The following UST variants were observed in gnomAD, a reference collection of about 807,000 sequenced individuals.
UST encodes uronyl 2-sulfotransferase, also known as chondroitin sulfate 2-O-sulfotransferase.
Under a neutral mutation model 45.6 loss-of-function variants are expected in UST, and 21 were observed. That is an observed-to-expected ratio of 0.46 (90% CI 0.33 to 0.66). UST has a LOEUF of 0.66. Among genes scored for constraint, UST ranks in the 30% least tolerant of loss-of-function variants. The pLI, the probability that UST is intolerant of heterozygous loss-of-function variation, is 0.02. For missense variants in UST, 463 were observed against 512.4 expected (o/e 0.90, Z 0.93); for synonymous variants, 215 against 200.6 (o/e 1.07, Z -0.61).
intron 2 of UST, among the ~76,000 whole-genome samples, chr6:148,888,658 G>T (rs1163279024): frequency 6.6e-6 from 1 of 152,160 alleles, no homozygotes; most frequent in East Asian, 1.9e-4. Flanking sequence ...ATCAAGGGTG[G>T]CTGCTGTTAA....
chr6:148,937,545 A>G (rs961460183), intron 2 of UST, among the ~76,000 whole-genome samples: 2 of 152,232 alleles, frequency 1.3e-5, no homozygotes, highest in Non-Finnish European at 2.9e-5. Flanking sequence ...AAAAAGAATC[A>G]GATAGATACT....
intron 2 of UST, among the ~76,000 whole-genome samples, chr6:148,940,328 A>G (rs1279378362): frequency 1.3e-5 from 2 of 151,570 alleles, no homozygotes; most frequent in African/African-American, 4.8e-5. Context: ...CTCTACCAAA[A>G]AAAAAAAAAA....
At chr6:148,843,596 A>G (rs1777927406) in intron 1 of UST, among the ~76,000 whole-genome samples, 1 of 152,228 alleles carries the variant, frequency 6.6e-6, no homozygotes, top group South Asian at 2.1e-4. Context: ...GCAGGTAAGA[A>G]AATTGAGGCT....
intron 1 of UST, among the ~76,000 whole-genome samples, chr6:148,836,835 G>A (rs919617494): frequency 2.6e-5 from 4 of 152,158 alleles, no homozygotes; most frequent in African/African-American, 9.7e-5. Flanking sequence ...CCCAAGGTGG[G>A]TGAGAAAGCA....
chr6:149,035,031 G>T (rs1776221880), intron 7 of UST, among the ~76,000 whole-genome samples: 1 of 151,996 alleles, frequency 6.6e-6, no homozygotes, highest in South Asian at 2.1e-4. Context: ...TTGTTTCTTT[G>T]ATGATTTTAC....
intron 7 of UST, among the ~76,000 whole-genome samples, chr6:149,049,054 A>G (rs1324637126): frequency 1.3e-5 from 2 of 152,230 alleles, no homozygotes; most frequent in Non-Finnish European, 2.9e-5. Context: ...ATAGGTATAT[A>G]TAGCTGTCAA....
At chr6:149,060,649 G>A (rs1776640590) in intron 7 of UST, among the ~76,000 whole-genome samples, 2 of 152,170 alleles carry the variant, frequency 1.3e-5, no homozygotes, top group African/African-American at 2.4e-5. Context: ...GGAGTACACC[G>A]ACGGTACTTC....
intron 1 of UST, among the ~76,000 whole-genome samples, chr6:148,834,650 G>T (rs1168802924): frequency 2.6e-5 from 4 of 152,116 alleles, no homozygotes; most frequent in Non-Finnish European, 5.9e-5. Flanking sequence ...TGGGAGGATT[G>T]CTTGAGCCTG....
chr6:148,753,653 T>C (rs751565186), intron 1 of UST, among the ~76,000 whole-genome samples: 21 of 152,232 alleles, frequency 1.4e-4, no homozygotes, highest in Non-Finnish European at 2.8e-4. Context: ...TGCAAGCTTT[T>C]GTTTCAACAC....
intron 1 of UST, among the ~76,000 whole-genome samples, chr6:148,815,617 A>G (rs1445645517): frequency 1.3e-5 from 2 of 152,366 alleles, no homozygotes; most frequent in South Asian, 2.1e-4. Context: ...TGTATATTAC[A>G]TACTTAAAAA....
At chr6:148,760,705 GCAAAA>G (rs541127131) in intron 1 of UST, among the ~76,000 whole-genome samples, 210 of 149,732 alleles carry the variant, frequency 1.4e-3, no homozygotes, top group East Asian at 3.9e-3. Context: ...CATAACCATA[GCAAAA>G]CAAAACAAAA....
intron 7 of UST, among the ~76,000 whole-genome samples, chr6:149,068,404 G>GCC (rs1562345284): frequency 6.6e-6 from 1 of 152,176 alleles, no homozygotes; most frequent in Non-Finnish European, 1.5e-5. Flanking sequence ...TTATTGTGAG[G>GCC]ATTAAGTATG....
At chr6:148,926,148 A>G (rs1192293860) in intron 2 of UST, among the ~76,000 whole-genome samples, 1 of 152,214 alleles carries the variant, frequency 6.6e-6, no homozygotes. Flanking sequence ...TTCCACTGAC[A>G]TATTTTGATC....
intron 1 of UST, among the ~76,000 whole-genome samples, chr6:148,802,057 A>G (rs1253466316): frequency 6.6e-6 from 1 of 152,236 alleles, no homozygotes; most frequent in Non-Finnish European, 1.5e-5. Context: ...CATGTAAGCA[A>G]CTTCACATTG....
intron 1 of UST, among the ~76,000 whole-genome samples, chr6:148,812,581 A>G (rs1033249572): frequency 6.6e-6 from 1 of 152,130 alleles, no homozygotes; most frequent in African/African-American, 2.4e-5. Flanking sequence ...GGGCTGGAGG[A>G]TCCACTCCCA....
chr6:148,922,446 T>C (rs528545687), intron 2 of UST, among the ~76,000 whole-genome samples: 10 of 152,220 alleles, frequency 6.6e-5, no homozygotes, highest in South Asian at 2.1e-4. Context: ...TTTCTTTCTA[T>C]GGCAGAATAC....
At chr6:148,978,232 G>A (rs144276344) in intron 5 of UST, among the ~76,000 whole-genome samples, 1 of 151,604 alleles carries the variant, frequency 6.6e-6, no homozygotes, top group African/African-American at 2.4e-5. Flanking sequence ...TGTTTTTGTT[G>A]TATCTCTAGA....
Position 148,897,098 on chromosome 6 carries a change from A to G in UST, c.291+10069A>G, listed in dbSNP as rs150283895. 2.1e-3 allele frequency among the ~76,000 whole-genome samples: 316 copies of G among 152,234 alleles called. 1 individual carries two copies. The highest frequency in any genetic ancestry group is 7.5e-3 in the African/African-American group (310 of 41,546). ...GTTTGCTATAACTTAGAGCAAGCCT[A>G]GTTCCCAGTCCCCCACCCCACCCCA... On this transcript the variant is annotated intron_variant, in intron 2 of 7. Transcript: ENST00000367463.
intron 5 of UST, among the ~76,000 whole-genome samples, chr6:148,997,540 G>A (rs554736714): frequency 6.6e-6 from 1 of 152,116 alleles, no homozygotes; most frequent in Non-Finnish European, 1.5e-5. Flanking sequence ...CTTACAGAAT[G>A]TTCTCTAATA....
Sources: allele counts gnomAD v4.1 joint callset (sites outside exome capture counted in the v4.1 genomes callset), GRCh38; gene constraint gnomAD v4.1.1; transcripts MANE v1.5; gene names NCBI Gene and HGNC (gene_info 2026-07-23, HGNC 2026-07-21).